Variants in PDE1A observed in about 807,000 individuals in gnomAD.
PDE1A encodes dual specificity calcium/calmodulin-dependent 3',5'-cyclic nucleotide phosphodiesterase 1A.
PDE1A carries 35 observed loss-of-function variants against 61.7 expected under a neutral mutation model. That is an observed-to-expected ratio of 0.57 (90% CI 0.43 to 0.75). PDE1A has a LOEUF of 0.75. PDE1A is among the 30% of genes least tolerant of loss of function. The pLI, the probability that PDE1A is intolerant of heterozygous loss-of-function variation, is 0.00. For missense variants in PDE1A, 597 were observed against 630.6 expected, an observed-to-expected ratio of 0.95 and a Z score of 0.57; for synonymous variants, 232 against 213.2, an observed-to-expected ratio of 1.09 and a Z score of -0.77.
chr2:182,179,245 T>TATC (rs1287260781), intron 13 of PDE1A, among the ~76,000 whole-genome samples: 1 of 152,172 alleles, frequency 6.6e-6, no homozygotes, highest in Non-Finnish European at 1.5e-5. Context: ...ATTTAAAAAG[T>TATC]ATCTGCACAG....
chr2:182,195,621 C>A (rs1574647128), intron 10 of PDE1A, among the ~76,000 whole-genome samples: 1 of 152,102 alleles, frequency 6.6e-6, no homozygotes, highest in Non-Finnish European at 1.5e-5. Flanking sequence ...ACCTCAAAAT[C>A]TCTAGCACAG....
chr2:182,148,485 TCTTG>T (rs1690613468), intron 13 of PDE1A, among the ~76,000 whole-genome samples: 2 of 152,216 alleles, frequency 1.3e-5, no homozygotes, highest in African/African-American at 4.8e-5. Context: ...TTAACAGAAT[TCTTG>T]CCAAGGACCA....
chr2:182,426,801 G>C (rs895960736), exon 1 of PDE1A: 190 of 1,443,656 alleles, frequency 1.3e-4, no homozygotes, highest in Non-Finnish European at 1.7e-4. Context: ...TGCCAGCTGA[G>C]CAGTGTGTCC....
At chr2:182,442,946 C>T (rs955646028) in intron 2 of PDE1A, among the ~76,000 whole-genome samples, 4 of 152,010 alleles carry the variant, frequency 2.6e-5, no homozygotes, top group African/African-American at 9.6e-5. Context: ...CAGTGATTTA[C>T]AAACAAAACA....
the PDE1A span, among the ~76,000 whole-genome samples, chr2:182,573,869 ATG>A: frequency 7.0e-6 from 1 of 141,892 alleles, no homozygotes; most frequent in Non-Finnish European, 1.5e-5. Context: ...ATATATACAT[ATG>A]TATATATATT....
chr2:182,715,250 G>A, the PDE1A span, among the ~76,000 whole-genome samples: 2 of 152,140 alleles, frequency 1.3e-5, no homozygotes, highest in African/African-American at 4.8e-5. Flanking sequence ...ATAGATATAG[G>A]AGCCACTATC....
chr2:182,444,433 C>T lies in PDE1A; in HGVS notation c.101+77843G>A, dbSNP rs73045444. Among the ~76,000 whole-genome samples, 554 of 152,208 alleles carry T rather than the reference C, an allele frequency of 3.6e-3. 2 individuals carry two copies. The highest frequency in any genetic ancestry group is 0.012 in the African/African-American group (503 of 41,544). ...TCTTTTCATTAATCATTAACTGTAACTTTCCTGTCTCATTTTGTACAGTAT... is the reference window on the plus strand; with the variant it reads ...TCTTTTCATTAATCATTAACTGTAATTTTCCTGTCTCATTTTGTACAGTAT... On this transcript the variant is annotated intron_variant, in intron 2 of 14. Coordinates refer to the PDE1A transcript ENST00000410103.
chr2:182,407,241 T>C (rs1702349736), intron 1 of PDE1A, among the ~76,000 whole-genome samples: 2 of 152,272 alleles, frequency 1.3e-5, no homozygotes, highest in South Asian at 4.1e-4. Context: ...AAGAAAAAAA[T>C]GCTACTAAAA....
intron 1 of PDE1A, among the ~76,000 whole-genome samples, chr2:182,381,406 G>A (rs1700726268): frequency 6.6e-6 from 1 of 152,194 alleles, no homozygotes; most frequent in Non-Finnish European, 1.5e-5. Context: ...AGTAGTCAAT[G>A]AAGCGTTACA....
At chr2:182,384,165 G>A (rs1700891381) in intron 1 of PDE1A, among the ~76,000 whole-genome samples, 1 of 152,200 alleles carries the variant, frequency 6.6e-6, no homozygotes, top group Non-Finnish European at 1.5e-5. Context: ...GCCTGCCACA[G>A]GGCTTTCCCA....
intron 1 of PDE1A, among the ~76,000 whole-genome samples, chr2:182,327,583 A>T (rs979455944): frequency 6.6e-6 from 1 of 152,218 alleles, no homozygotes. Context: ...AAATTATTTC[A>T]AAAAGGAGGG....
At chr2:182,284,500 T>C (rs1694029614) in intron 1 of PDE1A, among the ~76,000 whole-genome samples, 1 of 152,088 alleles carries the variant, frequency 6.6e-6, no homozygotes, top group Non-Finnish European at 1.5e-5. Context: ...CTAAAATGCA[T>C]ATAAATATAT....
intron 1 of PDE1A, among the ~76,000 whole-genome samples, chr2:182,295,230 G>A (rs1204442245): frequency 2.0e-5 from 3 of 151,036 alleles, no homozygotes; most frequent in East Asian, 2.0e-4. Flanking sequence ...GCCCACCACC[G>A]CGCCCGGCTA....
chr2:182,318,339 A>G (rs919544717), intron 1 of PDE1A, among the ~76,000 whole-genome samples: 110 of 152,250 alleles, frequency 7.2e-4, no homozygotes, highest in African/African-American at 2.6e-3. Context: ...CTCTGACCCC[A>G]GTTGTCCCCT....
At chr2:182,290,561 C>A (rs560195768) in intron 1 of PDE1A, among the ~76,000 whole-genome samples, 31 of 152,036 alleles carry the variant, frequency 2.0e-4, no homozygotes, top group Non-Finnish European at 3.7e-4. Flanking sequence ...TCCAGCCTCC[C>A]TCTGCTTGCC....
At chr2:182,677,675 A>G in the PDE1A span, among the ~76,000 whole-genome samples, 1 of 152,200 alleles carries the variant, frequency 6.6e-6, no homozygotes. Context: ...ACACAGACAC[A>G]TAGACCAATG....
intron 2 of PDE1A, among the ~76,000 whole-genome samples, chr2:182,498,326 A>T (rs76381034): frequency 6.6e-6 from 1 of 152,122 alleles, no homozygotes; most frequent in African/African-American, 2.4e-5. Context: ...TATTATATAC[A>T]TAGCAAAAGA....
At chr2:182,603,647 G>A in the PDE1A span, among the ~76,000 whole-genome samples, 1 of 152,192 alleles carries the variant, frequency 6.6e-6, no homozygotes, top group Non-Finnish European at 1.5e-5. Context: ...GCAGAATGCA[G>A]GTAAGAAGCT....
At chr2:182,484,848 T>C (rs1334113496) in intron 2 of PDE1A, among the ~76,000 whole-genome samples, 2 of 151,930 alleles carry the variant, frequency 1.3e-5, no homozygotes, top group Non-Finnish European at 2.9e-5. Context: ...TGGATACTAT[T>C]AAAACATCAA....
Sources: allele counts gnomAD v4.1 joint callset (sites outside exome capture counted in the v4.1 genomes callset), GRCh38; gene constraint gnomAD v4.1.1; transcripts MANE v1.5; gene names NCBI Gene and HGNC (gene_info 2026-07-23, HGNC 2026-07-21).